Variants in ST6GALNAC3 observed in about 807,000 individuals in gnomAD.
ST6GALNAC3 encodes ST6 N-acetylgalactosaminide alpha-2,6-sialyltransferase 3, also known as alpha-N-acetylgalactosaminide alpha-2,6-sialyltransferase 3.
Under a neutral mutation model 32.7 loss-of-function variants are expected in ST6GALNAC3, and 25 were observed. That is an observed-to-expected ratio of 0.76 (90% CI 0.56 to 1.07). ST6GALNAC3 has a LOEUF of 1.07. ST6GALNAC3 is among the 50% of genes least tolerant of loss of function. The probability of loss-of-function intolerance (pLI) is 0.00; values close to 1 mark genes in which losing one functional copy is unlikely to be tolerated. For synonymous variants in ST6GALNAC3, 129 were observed against 133.1 expected (o/e 0.97, Z 0.21); for missense variants, 355 against 382.4 (o/e 0.93, Z 0.60).
intron 1 of ST6GALNAC3, among the ~76,000 whole-genome samples, chr1:76,132,379 G>T (rs1649667021): frequency 6.6e-6 from 1 of 152,038 alleles, no homozygotes; most frequent in Non-Finnish European, 1.5e-5. Context: ...GAATCTTCAG[G>T]GGGGCAATCC....
chr1:76,487,003 A>G (rs1360054333), intron 3 of ST6GALNAC3, among the ~76,000 whole-genome samples: 2 of 152,164 alleles, frequency 1.3e-5, no homozygotes, highest in African/African-American at 2.4e-5. Context: ...TTGGCTGGAT[A>G]TGAAATTCTG....
intron 1 of ST6GALNAC3, among the ~76,000 whole-genome samples, chr1:76,089,984 T>A (rs1647022320): frequency 6.6e-6 from 1 of 152,158 alleles, no homozygotes; most frequent in Non-Finnish European, 1.5e-5. Flanking sequence ...TAAGTTAGAG[T>A]GCACTTACAT....
chr1:76,141,325 C>T (rs754950468), intron 1 of ST6GALNAC3, among the ~76,000 whole-genome samples: 15 of 152,142 alleles, frequency 9.9e-5, no homozygotes, highest in Non-Finnish European at 1.3e-4. Flanking sequence ...AGTCAGTTTA[C>T]GTATGCATCT....
intron 1 of ST6GALNAC3, among the ~76,000 whole-genome samples, chr1:76,292,136 C>T (rs2100820449): frequency 6.6e-6 from 1 of 152,302 alleles, no homozygotes; most frequent in Non-Finnish European, 1.5e-5. Flanking sequence ...AAACATTGCC[C>T]AAACCAGAAA....
chr1:76,257,821 T>G (rs913078229), intron 1 of ST6GALNAC3, among the ~76,000 whole-genome samples: 2 of 152,158 alleles, frequency 1.3e-5, no homozygotes, highest in African/African-American at 4.8e-5. Context: ...GATAGAGGGC[T>G]AATGATGTTA....
chr1:76,315,519 A>G (rs573037212), intron 2 of ST6GALNAC3, among the ~76,000 whole-genome samples: 99 of 152,282 alleles, frequency 6.5e-4, no homozygotes, highest in African/African-American at 2.3e-3. Context: ...TAACTGGGCT[A>G]TCTTTGAAAT....
chr1:76,623,649 C>CT (rs994221405), intron 3 of ST6GALNAC3, among the ~76,000 whole-genome samples: 2 of 151,930 alleles, frequency 1.3e-5, no homozygotes, highest in African/African-American at 4.8e-5. Context: ...ATAGTTATCA[C>CT]TTTAAGGCAT....
chr1:76,151,398 T>A (rs560403820), intron 1 of ST6GALNAC3, among the ~76,000 whole-genome samples: 1 of 152,316 alleles, frequency 6.6e-6, no homozygotes, highest in East Asian at 1.9e-4. Context: ...CCAGGCCATT[T>A]GAAAAGGTTT....
At chr1:76,531,240 C>T (rs965796940) in intron 3 of ST6GALNAC3, among the ~76,000 whole-genome samples, 4 of 152,178 alleles carry the variant, frequency 2.6e-5, no homozygotes, top group Admixed American at 1.3e-4. Context: ...ATGGAGCTTG[C>T]CCCTTCCTTA....
chr1:76,441,099 A>AAAAT (rs1275573453), intron 3 of ST6GALNAC3, among the ~76,000 whole-genome samples: 4 of 151,600 alleles, frequency 2.6e-5, no homozygotes, highest in Non-Finnish European at 2.9e-5. Context: ...AAAAAAAAAA[A>AAAAT]AAAAAAAAAT....
intron 3 of ST6GALNAC3, among the ~76,000 whole-genome samples, chr1:76,427,955 CAA>C (rs1655506882): frequency 6.6e-6 from 1 of 152,082 alleles, no homozygotes; most frequent in African/African-American, 2.4e-5. Context: ...CTAAGTCCAC[CAA>C]ATAGTCTCAG....
intron 1 of ST6GALNAC3, among the ~76,000 whole-genome samples, chr1:76,277,150 T>A (rs1659176127): frequency 6.6e-6 from 1 of 152,174 alleles, no homozygotes; most frequent in African/African-American, 2.4e-5. Context: ...ACTAAAAAAA[T>A]AAGGTGGTCA....
intron 1 of ST6GALNAC3, among the ~76,000 whole-genome samples, chr1:76,171,519 T>G (rs1317496695): frequency 6.9e-6 from 1 of 144,440 alleles, no homozygotes; most frequent in African/African-American, 2.5e-5. Flanking sequence ...TTTGAAAAAA[T>G]TAACGAATAG....
intron 3 of ST6GALNAC3, among the ~76,000 whole-genome samples, chr1:76,459,100 C>T (rs551468332): frequency 6.6e-6 from 1 of 152,212 alleles, no homozygotes; most frequent in South Asian, 2.1e-4. Context: ...ATATCCTTAG[C>T]AGTTTATGTA....
chr1:76,326,431 A>G (rs34992360), intron 2 of ST6GALNAC3, among the ~76,000 whole-genome samples: 16,655 of 152,258 alleles, frequency 0.11, 1,015 homozygotes, highest in Non-Finnish European at 0.14. Context: ...AGGTGAGAGT[A>G]GAGAGAGTGA....
intron 1 of ST6GALNAC3, among the ~76,000 whole-genome samples, chr1:76,213,025 A>G (rs1655254419): frequency 1.3e-5 from 2 of 152,208 alleles, no homozygotes; most frequent in Admixed American, 1.3e-4. Flanking sequence ...TAATAAATGA[A>G]TGACTTTATT....
intron 2 of ST6GALNAC3, among the ~76,000 whole-genome samples, chr1:76,366,338 T>G (rs928306446): frequency 5.3e-5 from 8 of 152,188 alleles, no homozygotes; most frequent in African/African-American, 1.7e-4. Flanking sequence ...TAATTTAGCT[T>G]TGAAAATGAA....
chr1:76,370,702 G>A (rs1372927517), intron 2 of ST6GALNAC3, among the ~76,000 whole-genome samples: 1 of 152,066 alleles, frequency 6.6e-6, no homozygotes, highest in Non-Finnish European at 1.5e-5. Flanking sequence ...ATAGAGACTA[G>A]AAAATGTTTT....
At chr1:76,139,729 CA>C (rs1255295464) in intron 1 of ST6GALNAC3, among the ~76,000 whole-genome samples, 11 of 152,290 alleles carry the variant, frequency 7.2e-5, no homozygotes, top group Middle Eastern at 3.4e-3. Context: ...GCTAAGAGTC[CA>C]GGGCCTGGTT....
Sources: gnomAD v4.1 joint callset for allele counts (sites outside exome capture counted in the v4.1 genomes callset) on GRCh38, gnomAD v4.1.1 for gene constraint, MANE v1.5 for transcripts, NCBI Gene and HGNC (gene_info 2026-07-23, HGNC 2026-07-21) for gene names.